Variants in CHMP4C observed in about 807,000 individuals in gnomAD.
CHMP4C encodes charged multivesicular body protein 4C, also known as SNF7 homolog associated with Alix 3.
In CHMP4C, 28 loss-of-function variants were observed where a neutral mutation model predicts 29.0. The observed-to-expected ratio is 0.97, with a 90% CI of 0.72 to 1.32. The LOEUF (loss-of-function observed/expected upper bound fraction) is 1.32. Among genes scored for constraint, CHMP4C ranks in the 40% most tolerant of loss-of-function variants. The probability of loss-of-function intolerance (pLI) is 0.00; values close to 1 mark genes in which losing one functional copy is unlikely to be tolerated. For missense variants in CHMP4C, 291 were observed against 281.0 expected, an observed-to-expected ratio of 1.04 and a Z score of -0.25; for synonymous variants, 106 against 102.4, an observed-to-expected ratio of 1.04 and a Z score of -0.21.
chr8:81,755,253 C>T, intron 2 of CHMP4C, 117 bp from the exon 3 acceptor site: 1 of 461,126 alleles, frequency 2.2e-6, no homozygotes, highest in Middle Eastern at 5.6e-4. Context: ...GAATATTTAT[C>T]CTACTCAAAT....
chr8:81,738,687 G>A (rs1331172231), intron 1 of CHMP4C, among the ~76,000 whole-genome samples: 3 of 152,166 alleles, frequency 2.0e-5, no homozygotes, highest in East Asian at 1.9e-4. Flanking sequence ...CAGGTAAAAC[G>A]ACACAGCCAT....
In CHMP4C at chr8:81,753,368, A is replaced by G. The variant is rs1405486425; in HGVS notation, c.368+127A>G. On this transcript the variant is annotated intron_variant, in intron 2 of 4. Transcript: ENST00000297265. The stretch of plus-strand genomic sequence containing the variant: ...GAGGCTCTTTGACATGTTGAATAAA[A>G]TACTGTCTCAGAGAAAGATTAAAGG... The G allele has an allele frequency of 2.2e-5, 12 of 550,306 alleles. No homozygotes were observed. In the South Asian group the frequency reaches 4.6e-4, roughly 21 times the overall value. 34.1% of individuals were successfully genotyped at this position (550,306 alleles called of 1,614,324 possible). A position where few individuals can be genotyped will look rare whatever the true frequency, so the allele number is the denominator to read the frequency against.
At chr8:81,735,581 T>A (rs1331530624) in intron 1 of CHMP4C, among the ~76,000 whole-genome samples, 1 of 152,224 alleles carries the variant, frequency 6.6e-6, no homozygotes, top group Non-Finnish European at 1.5e-5. Flanking sequence ...ACATAATTTA[T>A]GTGCAATTGA....
At chr8:81,744,183 T>TTATA (rs1808795890) in intron 1 of CHMP4C, among the ~76,000 whole-genome samples, 1 of 152,116 alleles carries the variant, frequency 6.6e-6, no homozygotes, top group African/African-American at 2.4e-5. Context: ...AATATGGAGG[T>TTATA]TACATATAAG....
chr8:81,759,055 A>G lies in CHMP4C; in HGVS notation c.*511A>G, dbSNP rs1016741787. The G allele has an allele frequency of 1.3e-5, 2 of 153,196 alleles. No homozygotes were observed. The highest frequency in any genetic ancestry group is 4.8e-5 in the African/African-American group (2 of 41,268). The allele number at this position is 153,196 out of a possible 1,614,324, so 9.5% of individuals were successfully genotyped here. A position where few individuals can be genotyped will look rare whatever the true frequency, so the allele number is the denominator to read the frequency against. Reference sequence around the variant, plus strand: ...ATAGCGGGGGGTGGGGGGGAGAAATAATGTTATTTCCTATGCGAATGACGT... The same window carrying G: ...ATAGCGGGGGGTGGGGGGGAGAAATGATGTTATTTCCTATGCGAATGACGT... On this transcript the variant is annotated 3_prime_UTR_variant, in exon 5 of 5. Coordinates refer to ENST00000297265, the MANE Select transcript of CHMP4C (RefSeq NM_152284.4).
At chr8:81,742,611 T>G (rs1808774959) in intron 1 of CHMP4C, among the ~76,000 whole-genome samples, 1 of 152,232 alleles carries the variant, frequency 6.6e-6, no homozygotes, top group Non-Finnish European at 1.5e-5. Flanking sequence ...GTAGTCATAC[T>G]GGGTGCGTCT....
chr8:81,752,902 A>T (rs1178248594), intron 1 of CHMP4C, among the ~76,000 whole-genome samples, 162 bp from the exon 2 acceptor site: 1 of 152,170 alleles, frequency 6.6e-6, no homozygotes, highest in Non-Finnish European at 1.5e-5. Context: ...TGGTATAGGT[A>T]ATTGAGAGGA....
chr8:81,756,634 G>C (rs1808976410), intron 3 of CHMP4C, among the ~76,000 whole-genome samples: 2 of 152,052 alleles, frequency 1.3e-5, no homozygotes, highest in Non-Finnish European at 2.9e-5. Flanking sequence ...TATTCTCAAT[G>C]GTCAAATTAG....
chr8:81,759,512 A>G lies in CHMP4C; in HGVS notation c.*968A>G, dbSNP rs908229026. The G allele has an allele frequency of 2.0e-5, 3 of 152,244 alleles. No homozygotes were observed. The highest frequency in any genetic ancestry group is 2.9e-5 in the Non-Finnish European group (2 of 68,048). 9.4% of individuals were successfully genotyped at this position (152,244 alleles called of 1,614,324 possible). Reference sequence around the variant, plus strand: ...TGGCAATTAAAAGTACATCTTGAATAAAATGTTGGCCGTTATTATTTTTAA... The same window carrying G: ...TGGCAATTAAAAGTACATCTTGAATGAAATGTTGGCCGTTATTATTTTTAA... On this transcript the variant is annotated 3_prime_UTR_variant, in exon 5 of 5. Transcript: ENST00000297265.
intron 1 of CHMP4C, among the ~76,000 whole-genome samples, chr8:81,745,584 A>G (rs1808812763): frequency 6.6e-6 from 1 of 152,238 alleles, no homozygotes; most frequent in Non-Finnish European, 1.5e-5. Context: ...CCTTGGCAGC[A>G]TAGTGGAGTT....
At chr8:81,736,793 T>C (rs142871244) in intron 1 of CHMP4C, among the ~76,000 whole-genome samples, 6 of 152,270 alleles carry the variant, frequency 3.9e-5, no homozygotes, top group Non-Finnish European at 7.4e-5. Flanking sequence ...GGTTGGCAAA[T>C]TATTTTTTGT....
At chr8:81,757,496 A>G (rs1808986879) in intron 3 of CHMP4C, among the ~76,000 whole-genome samples, 1 of 152,180 alleles carries the variant, frequency 6.6e-6, no homozygotes, top group Non-Finnish European at 1.5e-5. Context: ...GGTGACTTAC[A>G]TTTTTAAGGT....
Position 81,732,579 on chromosome 8 carries a change from A to T in CHMP4C, c.-48A>T, listed in dbSNP as rs1808631498. On this transcript the variant is annotated 5_prime_UTR_variant, in exon 1 of 5. Transcript: ENST00000297265. ...CTGTCCCCTCGGCGCGGCCCCGGGGAGCTCCCGAGAGGCCCCCGGGATCGC... is the reference window on the plus strand; with the variant it reads ...CTGTCCCCTCGGCGCGGCCCCGGGGTGCTCCCGAGAGGCCCCCGGGATCGC... 14 of 1,429,038 alleles carry T rather than the reference A, an allele frequency of 9.8e-6. No individual in the cohort carries two copies. The highest frequency in any genetic ancestry group is 1.3e-5 in the Non-Finnish European group (14 of 1,064,140). The allele number at this position is 1,429,038 out of a possible 1,614,324, so 88.5% of individuals were successfully genotyped here.
intron 1 of CHMP4C, among the ~76,000 whole-genome samples, chr8:81,746,624 C>G (rs909516642): frequency 6.6e-6 from 1 of 152,180 alleles, no homozygotes; most frequent in Admixed American, 6.5e-5. Flanking sequence ...CTGCCTGGCT[C>G]CCTCTGAGTT....
chr8:81,746,997 T>G (rs1047017637), intron 1 of CHMP4C, among the ~76,000 whole-genome samples: 14 of 152,320 alleles, frequency 9.2e-5, no homozygotes, highest in Middle Eastern at 3.4e-3. Context: ...TATCTCCATT[T>G]TTCAGTAAGC....
At chr8:81,749,223 G>C (rs1335087658) in intron 1 of CHMP4C, among the ~76,000 whole-genome samples, 4 of 152,224 alleles carry the variant, frequency 2.6e-5, no homozygotes, top group African/African-American at 9.6e-5. Context: ...TGCTGTCCTT[G>C]TTCTATGTGC....
intron 2 of CHMP4C, among the ~76,000 whole-genome samples, chr8:81,753,500 T>C (rs1563622937): frequency 6.6e-6 from 1 of 152,180 alleles, no homozygotes; most frequent in Non-Finnish European, 1.5e-5. Flanking sequence ...CCTGTAAATA[T>C]TTTAATTCTA....
intron 1 of CHMP4C, among the ~76,000 whole-genome samples, chr8:81,747,727 G>A (rs969836871): frequency 1.2e-4 from 19 of 152,212 alleles, no homozygotes; most frequent in African/African-American, 3.9e-4. Flanking sequence ...GACATCACAC[G>A]TTGGTAGGAT....
Position 81,753,171 on chromosome 8 carries a change from C to T in CHMP4C, c.298C>T (p.His100Tyr). 6.2e-7 allele frequency: 1 copy of T among 1,612,506 alleles called. No individual in the cohort carries two copies. Among genetic ancestry groups the T allele is most frequent in the South Asian group, 1.1e-5 (1 of 90,758 alleles). Residue 100 changes from histidine to tyrosine, a missense_variant, in exon 2 of 5, where the codon CAC (histidine) becomes TAC (tyrosine). His to Tyr is a moderately conservative substitution (Grantham distance 83). Transcript: ENST00000297265. ...EFQREALENSHTNTEVLRNMG... is the reference protein window; with the variant it reads ...EFQREALENSYTNTEVLRNMG... ...CCAGAGAGAAGCCCTGGAGAACTCA[C>T]ACACCAACACTGAGGTGTTGAGGAA...
Sources: allele counts gnomAD v4.1 joint callset (sites outside exome capture counted in the v4.1 genomes callset), GRCh38; gene constraint gnomAD v4.1.1; transcripts MANE v1.5; gene names NCBI Gene and HGNC (gene_info 2026-07-23, HGNC 2026-07-21).